NFATC2: variants seen among roughly 807,000 people sequenced by gnomAD.
NFATC2 encodes nuclear factor of activated T cells 2.
A neutral mutation model predicts 87.3 loss-of-function variants in NFATC2; 22 were observed. The ratio of observed to expected loss-of-function variants is 0.25; its 90% CI spans 0.18 to 0.36. The LOEUF (loss-of-function observed/expected upper bound fraction) is 0.36, where lower values mean the gene tolerates loss of function less well. Ranked by LOEUF, NFATC2 falls within the 10% of genes least tolerant of loss-of-function variation. NFATC2 has a pLI of 1.00. For missense variants in NFATC2, 1,149 were observed against 1,259.1 expected, an observed-to-expected ratio of 0.91 and a Z score of 1.32; for synonymous variants, 565 against 542.2, an observed-to-expected ratio of 1.04 and a Z score of -0.58.
At chr20:51,460,307 A>G (rs1003194822) in intron 5 of NFATC2, among the ~76,000 whole-genome samples, 1 of 151,774 alleles carries the variant, frequency 6.6e-6, no homozygotes, top group Non-Finnish European at 1.5e-5. Context: ...AGTGTTGGAC[A>G]CCCCCCTGGT....
rs769663235 is a variant in NFATC2 at position 51,388,965 on chromosome 20, A to G, written c.*2531T>C. The G allele has an allele frequency of 6.6e-6, 1 of 152,202 alleles. No individual in the cohort carries two copies. The highest frequency in any genetic ancestry group is 2.4e-5 in the African/African-American group (1 of 41,452). 9.4% of individuals were successfully genotyped at this position (152,202 alleles called of 1,614,324 possible). A position where few individuals can be genotyped will look rare whatever the true frequency, so the allele number is the denominator to read the frequency against. On this transcript the variant is annotated 3_prime_UTR_variant, in exon 11 of 11. Transcript: ENST00000371564. ...CTTCTTGGCAAAATTTCCTCCTAGC[A>G]TTTGTAACTGACAAAACTTCCTTGA... is the stretch of plus-strand genomic sequence containing the variant.
At chr20:51,557,767 T>C (rs2076990807) in intron 1 of NFATC2, among the ~76,000 whole-genome samples, 2 of 152,304 alleles carry the variant, frequency 1.3e-5, no homozygotes, top group Admixed American at 1.3e-4. Context: ...ACTCATTCAT[T>C]CATCCATCCA....
intron 1 of NFATC2, among the ~76,000 whole-genome samples, chr20:51,526,215 T>G (rs2076543577): frequency 6.6e-6 from 1 of 152,182 alleles, no homozygotes; most frequent in Non-Finnish European, 1.5e-5. Flanking sequence ...AATCTCATTC[T>G]GCCAAACCAG....
chr20:51,492,132 C>T (rs1407079727), intron 3 of NFATC2, among the ~76,000 whole-genome samples: 2 of 152,100 alleles, frequency 1.3e-5, no homozygotes, highest in Non-Finnish European at 2.9e-5. Context: ...CCCCAAGGCT[C>T]CTAGAGCCTT....
intron 6 of NFATC2, among the ~76,000 whole-genome samples, chr20:51,448,111 G>T (rs1188962902): frequency 6.6e-6 from 1 of 152,244 alleles, no homozygotes; most frequent in Non-Finnish European, 1.5e-5. Context: ...AGACTCTGCT[G>T]TCAAGGAACT....
chr20:51,421,284 ACCC>A (rs1416181708), intron 9 of NFATC2, among the ~76,000 whole-genome samples: 1 of 151,976 alleles, frequency 6.6e-6, no homozygotes, highest in African/African-American at 2.4e-5. Context: ...TTAAAATCTT[ACCC>A]CCATTTAAAA....
At chr20:51,492,987 T>G (rs893240943) in intron 3 of NFATC2, among the ~76,000 whole-genome samples, 1 of 152,174 alleles carries the variant, frequency 6.6e-6, no homozygotes, top group African/African-American at 2.4e-5. Context: ...GAGGATGCGA[T>G]CGTGTGCCTC....
chr20:51,550,147 C>G (rs2076920781), intron 1 of NFATC2, among the ~76,000 whole-genome samples: 1 of 151,752 alleles, frequency 6.6e-6, no homozygotes, highest in South Asian at 2.1e-4. Flanking sequence ...AGTTTGAGAC[C>G]AGCCTAGGCA....
At position 51,524,203 on chromosome 20, in the gene NFATC2, G is replaced by T; in HGVS notation, c.131-93C>A. On this transcript the variant is annotated intron_variant, in intron 1 of 10. Transcript: ENST00000371564. This position sits in a 1 kb window ranked among gnomAD's most constrained non-coding sequence, Gnocchi z 4.0. ...CACAGGCTGGATTTCGTCTCACGTC[G>T]TTTATTTTTTTCAAATTCCCACCAT... 5.8e-6 allele frequency: 7 copies of T among 1,214,544 alleles called. No individual in the cohort carries two copies. Among genetic ancestry groups the T allele is most frequent in the Non-Finnish European group, 7.5e-6 (7 of 931,350 alleles). The allele number at this position is 1,214,544 out of a possible 1,614,324, so 75.2% of individuals were successfully genotyped here. A position where few individuals can be genotyped will look rare whatever the true frequency, so the allele number is the denominator to read the frequency against.
At chr20:51,453,551 T>C (rs764751432) in intron 6 of NFATC2, among the ~76,000 whole-genome samples, 3 of 152,254 alleles carry the variant, frequency 2.0e-5, no homozygotes, top group African/African-American at 4.8e-5. Context: ...AATTTCCTTC[T>C]AACAACACAT....
intron 1 of NFATC2, among the ~76,000 whole-genome samples, chr20:51,533,784 T>G (rs144431364): frequency 7.9e-5 from 12 of 152,326 alleles, no homozygotes; most frequent in Admixed American, 2.0e-4. Context: ...GCATGACCGC[T>G]TGCAAAAACA....
chr20:51,514,427 C>T (rs1025037890), intron 3 of NFATC2, among the ~76,000 whole-genome samples: 1 of 152,136 alleles, frequency 6.6e-6, no homozygotes, highest in Non-Finnish European at 1.5e-5. Flanking sequence ...TGGTGATATA[C>T]AATGAAGAAT....
chr20:51,554,320 G>A (rs1035060404), intron 1 of NFATC2, among the ~76,000 whole-genome samples: 1 of 152,116 alleles, frequency 6.6e-6, no homozygotes, highest in African/African-American at 2.4e-5. Flanking sequence ...ATGTCTCATA[G>A]ACGTTGGGTT....
upstream of NFATC2, among the ~76,000 whole-genome samples, chr20:51,544,443 C>T (rs2076872767): frequency 6.6e-6 from 1 of 152,140 alleles, no homozygotes; most frequent in Admixed American, 6.5e-5. Context: ...TGAGGACACG[C>T]ATTCTTCAGG....
chr20:51,549,514 T>A (rs1034779277), intron 1 of NFATC2, among the ~76,000 whole-genome samples: 1 of 152,242 alleles, frequency 6.6e-6, no homozygotes, highest in African/African-American at 2.4e-5. Context: ...CTGCTGAAGG[T>A]CAATGGCATG....
rs891984299 is a variant in NFATC2, at chr20:51,524,030, G to T, written c.211C>A (p.Pro71Thr). The T allele has an allele frequency of 6.5e-7, 1 of 1,548,270 alleles. No individual in the cohort carries two copies. The highest frequency in any genetic ancestry group is 2.3e-5 in the East Asian group (1 of 43,742). The change falls in exon 2 of 11, where the codon CCA becomes ACA. Residue 71 changes from proline to threonine, a missense_variant. Transcript: ENST00000371564. This position sits in a 1 kb window ranked among gnomAD's most constrained non-coding sequence, Gnocchi z 4.0. ...GAGAGACTAGCAAGGGGGCTGTATG[G>T]CTTGAGGCCATAGTCCAGGACATCA... ...PDDVLDYGLK[P>T]YSPLASLSGE...
In NFATC2 at chr20:51,397,596, C is replaced by T. The variant is rs140071969; in HGVS notation, c.*44+1047G>A. On this transcript the variant is annotated intron_variant, in intron 10 of 10. Transcript: ENST00000371564. ...GCATTTTTATCCTCGGATGCAAAGT[C>T]CTGAGGACACTCCTGAGGGACTCCC... 9.3e-3 allele frequency among the ~76,000 whole-genome samples: 1,414 copies of T among 152,272 alleles called. 10 individuals are homozygous for T. Among genetic ancestry groups the T allele is most frequent in the Middle Eastern group, 0.017 (5 of 294 alleles).
At chr20:51,443,921 T>C (rs1236196852) in intron 6 of NFATC2, among the ~76,000 whole-genome samples, 2 of 142,840 alleles carry the variant, frequency 1.4e-5, no homozygotes, top group African/African-American at 2.6e-5. Flanking sequence ...CTCTGCAAGT[T>C]AAAAAAAAAA....
At chr20:51,508,034 T>C (rs1255141147) in intron 3 of NFATC2, among the ~76,000 whole-genome samples, 1 of 152,236 alleles carries the variant, frequency 6.6e-6, no homozygotes, top group Admixed American at 6.5e-5. Flanking sequence ...ATATTGTTCC[T>C]CTTGGTTGCC....
Sources: gnomAD v4.1 joint callset for allele counts (sites outside exome capture counted in the v4.1 genomes callset) on GRCh38, gnomAD v4.1.1 for gene constraint, Gnocchi (gnomAD v3.1) non-coding constraint, MANE v1.5 for transcripts, NCBI Gene and HGNC (gene_info 2026-07-23, HGNC 2026-07-21) for gene names.